Variants in SMARCA2 observed in about 807,000 individuals in gnomAD.
SMARCA2 encodes SWI/SNF related BAF chromatin remodeling complex subunit ATPase 2.
SMARCA2 carries 61 observed loss-of-function variants against 199.8 expected under a neutral mutation model. The observed-to-expected ratio is 0.31, with a 90% CI of 0.25 to 0.38. SMARCA2 has a LOEUF of 0.38. Among genes scored for constraint, SMARCA2 ranks in the 10% least tolerant of loss-of-function variants. The probability of loss-of-function intolerance (pLI) is 1.00; values close to 1 mark genes in which losing one functional copy is unlikely to be tolerated. For synonymous variants in SMARCA2, 935 were observed against 732.0 expected (o/e 1.28, Z -4.48); for missense variants, 1,344 against 2,012.2 (o/e 0.67, Z 6.35).
intron 13 of SMARCA2, 136 bp from the exon 14 acceptor site, chr9:2,077,493 G>T (rs1020322760): frequency 5.2e-6 from 4 of 768,324 alleles, no homozygotes; most frequent in Non-Finnish European, 8.6e-6. Context: ...TATATTAACT[G>T]CATGGCAAGT....
intron 31 of SMARCA2, 130 bp from the exon 32 acceptor site, chr9:2,185,966 G>C: frequency 2.3e-6 from 2 of 856,682 alleles, no homozygotes; most frequent in Non-Finnish European, 3.7e-6. Flanking sequence ...GTTTTCATGT[G>C]GGCATAAAAG....
At chr9:2,128,442 T>C (rs766022941) in intron 27 of SMARCA2, among the ~76,000 whole-genome samples, 44 of 152,338 alleles carry the variant, frequency 2.9e-4, no homozygotes, top group Non-Finnish European at 5.1e-4. Flanking sequence ...TTTTGTGTTC[T>C]GTTTGGAAGT....
At chr9:2,114,992 T>C (rs184704452) in intron 24 of SMARCA2, among the ~76,000 whole-genome samples, 1 of 152,278 alleles carries the variant, frequency 6.6e-6, no homozygotes, top group African/African-American at 2.4e-5. Context: ...TACATACATA[T>C]AGTAGGATAC....
At chr9:2,048,752 T>G (rs894971986) in intron 5 of SMARCA2, among the ~76,000 whole-genome samples, 3 of 152,208 alleles carry the variant, frequency 2.0e-5, no homozygotes, top group African/African-American at 7.2e-5. Context: ...TTTCCACCAT[T>G]TCATGTATTC....
chr9:2,098,504 A>G (rs943924458), intron 21 of SMARCA2, among the ~76,000 whole-genome samples: 1 of 152,200 alleles, frequency 6.6e-6, no homozygotes, highest in Non-Finnish European at 1.5e-5. Flanking sequence ...CTGCTATTCA[A>G]GGAGTCCATA....
chr9:2,047,523 C>G (rs936641134), intron 5 of SMARCA2, 39 bp downstream of exon 5: 5 of 1,292,734 alleles, frequency 3.9e-6, no homozygotes, highest in Non-Finnish European at 5.0e-6. Flanking sequence ...CTGCGGTGTG[C>G]TAGCACCTGC....
intron 27 of SMARCA2, among the ~76,000 whole-genome samples, chr9:2,133,573 G>A (rs957187291): frequency 6.6e-6 from 1 of 151,388 alleles, no homozygotes; most frequent in South Asian, 2.1e-4. Flanking sequence ...ATGAGCCACC[G>A]CGCCTGGCCA....
chr9:2,068,264 C>T (rs1387984744), intron 9 of SMARCA2, among the ~76,000 whole-genome samples: 2 of 152,138 alleles, frequency 1.3e-5, no homozygotes, highest in African/African-American at 4.8e-5. Context: ...CTGATCATTT[C>T]TTTTGAGCTT....
intron 19 of SMARCA2, among the ~76,000 whole-genome samples, chr9:2,092,337 A>G (rs138705295): frequency 6.6e-6 from 1 of 152,324 alleles, no homozygotes; most frequent in African/African-American, 2.4e-5. Context: ...CTTTGCTTAC[A>G]TTGGCAATTT....
At chr9:2,150,030 GTATT>G (rs1436872961) in intron 27 of SMARCA2, among the ~76,000 whole-genome samples, 1 of 151,448 alleles carries the variant, frequency 6.6e-6, no homozygotes, top group Non-Finnish European at 1.5e-5. Flanking sequence ...GCATCTATGT[GTATT>G]TATGTATGTG....
intron 5 of SMARCA2, among the ~76,000 whole-genome samples, chr9:2,048,755 A>T (rs1243425753): frequency 6.6e-6 from 1 of 152,152 alleles, no homozygotes; most frequent in Non-Finnish European, 1.5e-5. Context: ...CCACCATTTC[A>T]TGTATTCCCA....
In SMARCA2 at chr9:2,170,341, C is replaced by G. The variant is rs1826180533; in HGVS notation, c.4200-78C>G. On this transcript the variant is annotated intron_variant, in intron 28 of 33. Transcript: ENST00000349721. The surrounding 1 kb of genome is among the most constrained non-coding windows in gnomAD (Gnocchi z 4.7). ...GGAGACTGAGGCTTGGCCAGGTCAC[C>G]CAGCCTAGGAAGAAGGAGCCGGGCG... 1 of 1,595,008 alleles carries G rather than the reference C, an allele frequency of 6.3e-7. No individual in the cohort carries two copies. Among genetic ancestry groups the G allele is most frequent in the Non-Finnish European group, 8.6e-7 (1 of 1,169,236 alleles).
At chr9:2,025,330 G>C (rs1395639130) in intron 1 of SMARCA2, among the ~76,000 whole-genome samples, 2 of 152,148 alleles carry the variant, frequency 1.3e-5, no homozygotes, top group African/African-American at 4.8e-5. Flanking sequence ...TGGGGAGGTT[G>C]CTGTGCCCCC....
chr9:2,167,604 G>T (rs1825999700), intron 28 of SMARCA2, among the ~76,000 whole-genome samples: 1 of 152,216 alleles, frequency 6.6e-6, no homozygotes, highest in South Asian at 2.1e-4. Context: ...ACACTCTTCA[G>T]TCTCTGCTGT....
At chr9:2,175,091 T>C (rs1474365866) in intron 29 of SMARCA2, among the ~76,000 whole-genome samples, 1 of 152,006 alleles carries the variant, frequency 6.6e-6, no homozygotes, top group African/African-American at 2.4e-5. Context: ...GGAAAAACTG[T>C]AGAAATGGCC....
intron 8 of SMARCA2, among the ~76,000 whole-genome samples, chr9:2,060,355 A>G (rs765091947): frequency 2.0e-5 from 3 of 152,202 alleles, no homozygotes; most frequent in South Asian, 2.1e-4. Flanking sequence ...AAGAGTAGCA[A>G]TGAAACAGGA....
intron 24 of SMARCA2, among the ~76,000 whole-genome samples, chr9:2,111,749 G>A (rs904900207): frequency 2.0e-5 from 3 of 152,034 alleles, no homozygotes; most frequent in Non-Finnish European, 2.9e-5. Flanking sequence ...CCCTGCCACC[G>A]CACCCCAGTT....
rs577537292 is a variant in SMARCA2 at position 2,167,120 on chromosome 9, C to T, written c.4200-3299C>T. Reference sequence around the variant, plus strand: ...TTGCTTATCTCTAGTGTTCTGATTCCATTTTTGTGCTCTGTGATTTCCTAA... The same window carrying T: ...TTGCTTATCTCTAGTGTTCTGATTCTATTTTTGTGCTCTGTGATTTCCTAA... On this transcript the variant is annotated intron_variant, in intron 28 of 33. Transcript: ENST00000349721. Among the ~76,000 whole-genome samples the T allele has an allele frequency of 3.3e-5, 5 of 152,270 alleles. No individual in the cohort carries two copies. The South Asian group carries it at 1.0e-3, about 32-fold the overall frequency.
intron 27 of SMARCA2, among the ~76,000 whole-genome samples, chr9:2,143,747 C>G (rs964415863): frequency 3.9e-5 from 6 of 152,094 alleles, no homozygotes; most frequent in African/African-American, 7.2e-5. Flanking sequence ...GAAATATTTG[C>G]TTGGTTGAAG....
Sources: gnomAD v4.1 joint callset for allele counts (sites outside exome capture counted in the v4.1 genomes callset) on GRCh38, gnomAD v4.1.1 for gene constraint, Gnocchi (gnomAD v3.1) non-coding constraint, MANE v1.5 for transcripts, NCBI Gene and HGNC (gene_info 2026-07-23, HGNC 2026-07-21) for gene names.